ITGA2B: variants seen among roughly 807,000 people sequenced by gnomAD.
ITGA2B encodes integrin alpha-IIb.
ITGA2B carries 91 observed loss-of-function variants against 142.0 expected under a neutral mutation model. The observed-to-expected ratio is 0.64, with a 90% confidence interval of 0.54 to 0.76. The LOEUF is 0.76. ITGA2B is among the 30% of genes least tolerant of loss of function. ITGA2B has a pLI of 0.00. For missense variants in ITGA2B, 1,231 were observed against 1,350.8 expected, an observed-to-expected ratio of 0.91 and a Z score of 1.39; for synonymous variants, 536 against 567.2, an observed-to-expected ratio of 0.94 and a Z score of 0.78.
chr17:44,388,564 G>T (rs2048670595), intron 1 of ITGA2B, among the ~76,000 whole-genome samples: 1 of 151,028 alleles, frequency 6.6e-6, no homozygotes, highest in Non-Finnish European at 1.5e-5. Flanking sequence ...TGTCACCCAG[G>T]CTGGAGTGCA....
At chr17:44,374,802 G>A (rs367581761) in intron 27 of ITGA2B, 42 bp from the exon 28 acceptor site, 37 of 1,548,624 alleles carry the variant, frequency 2.4e-5, no homozygotes, top group Non-Finnish European at 3.0e-5. Context: ...CCCACAAGAG[G>A]CCTATTGGTT....
chr17:44,373,778 G>A (rs1178311157), intron 29 of ITGA2B: 1 of 169,422 alleles, frequency 5.9e-6, no homozygotes, highest in Non-Finnish European at 1.3e-5. Context: ...TTGGTGGCAG[G>A]GGTGTCTAAA....
At chr17:44,380,849 G>A (rs373718654) in intron 13 of ITGA2B, 30 bp downstream of exon 13, 125 of 1,612,306 alleles carry the variant, frequency 7.8e-5, no homozygotes, top group Non-Finnish European at 1.1e-4. Flanking sequence ...CCTTTCTTGG[G>A]CATTTCTAGC....
chr17:44,378,714 GA>G lies in ITGA2B; in HGVS notation c.1879-5del, dbSNP rs955851548. The G allele has an allele frequency of 7.7e-6, 12 of 1,554,934 alleles. No homozygotes were observed. The highest frequency in any genetic ancestry group is 2.0e-5 in the Admixed American group (1 of 51,262). Reference sequence around the variant, plus strand: ...CACAGTCCAGGACGATTCGTGTCTAGAGGGGCACATTGGGGTGTGCGGGTAA... The same window carrying G: ...CACAGTCCAGGACGATTCGTGTCTAGGGGGCACATTGGGGTGTGCGGGTAA... On this transcript the variant is annotated splice_region_variant and splice_polypyrimidine_tract_variant and intron_variant, in intron 18 of 29. Coordinates refer to ENST00000262407, the MANE Select transcript of ITGA2B (RefSeq NM_000419.5).
intron 20 of ITGA2B, among the ~76,000 whole-genome samples, chr17:44,378,096 A>G (rs925672922): frequency 6.6e-6 from 1 of 152,192 alleles, no homozygotes; most frequent in African/African-American, 2.4e-5. Context: ...TGAAAAAAAG[A>G]CTGGAAGGAA....
chr17:44,382,751 G>A (rs1422115529), intron 12 of ITGA2B, among the ~76,000 whole-genome samples: 1 of 139,866 alleles, frequency 7.1e-6, no homozygotes, highest in Non-Finnish European at 1.6e-5. Context: ...AGCAGGAGCT[G>A]CAGCGCCCAC....
At position 44,380,599 on chromosome 17, in the gene ITGA2B, C is replaced by A. The variant is rs1567902350; in HGVS notation, c.1439+1G>T. The stretch of plus-strand genomic sequence containing the variant: ...ATCCCGCCCCTGGAGCCAGTGCTCA[C>A]CTGTACACAGCCACCTGGTTGGCCC... On this transcript the variant is annotated splice_donor_variant, in intron 14 of 29. Coordinates refer to ENST00000262407, the MANE Select transcript of ITGA2B (RefSeq NM_000419.5). LOFTEE classifies it high-confidence loss of function. 2 of 1,614,220 alleles carry A rather than the reference C, an allele frequency of 1.2e-6. No homozygotes were observed. The highest frequency in any genetic ancestry group is 1.7e-6 in the Non-Finnish European group (2 of 1,180,036).
chr17:44,372,571 AT>A, intron 29 of ITGA2B, 148 bp from the exon 30 acceptor site: 2 of 652,396 alleles, frequency 3.1e-6, no homozygotes, highest in Middle Eastern at 2.5e-4. Flanking sequence ...GCCTTTTGAC[AT>A]TTAGAGATAA....
At chr17:44,376,023 C>A (rs776512876) in intron 24 of ITGA2B, 38 bp from the exon 25 acceptor site, 2 of 1,614,004 alleles carry the variant, frequency 1.2e-6, no homozygotes, top group Admixed American at 1.7e-5. Flanking sequence ...GGGAGCTTAG[C>A]GCCTCACCCG....
chr17:44,373,086 T>G (rs1266588963), intron 29 of ITGA2B, among the ~76,000 whole-genome samples: 1 of 152,110 alleles, frequency 6.6e-6, no homozygotes, highest in African/African-American at 2.4e-5. Flanking sequence ...GGAGTCTCAC[T>G]ATGCTGTCCC....
chr17:44,386,261 T>A, intron 1 of ITGA2B, 130 bp from the exon 2 acceptor site: 1 of 1,347,772 alleles, frequency 7.4e-7, no homozygotes, highest in Non-Finnish European at 1.0e-6. Flanking sequence ...CAATGACACC[T>A]CACAGACCAC....
Position 44,380,929 on chromosome 17 carries a change from A to G in ITGA2B, c.1343T>C (p.Phe448Ser). 6.2e-7 allele frequency: 1 copy of G among 1,614,232 alleles called. No homozygotes were observed. Among genetic ancestry groups the G allele is most frequent in the Non-Finnish European group, 8.5e-7 (1 of 1,180,032 alleles). ...LDSPFPTGSA[F>S]GFSLRGAVDI... is the part of the protein sequence containing the mutation. Reference sequence around the variant, plus strand: ...TACGGCACCTCGAAGGGAGAAGCCAAAGGCAGAGCCTGTGGGGAAGGGGCT... The same window carrying G: ...TACGGCACCTCGAAGGGAGAAGCCAGAGGCAGAGCCTGTGGGGAAGGGGCT... Residue 448 changes from phenylalanine to serine, a missense_variant, in exon 13 of 30, where the codon TTT becomes TCT. By Grantham distance (155) the Phe-to-Ser change is radical. Transcript: ENST00000262407.
intron 8 of ITGA2B, 23 bp from the exon 9 acceptor site, chr17:44,384,377 T>G (rs1166795615): frequency 6.2e-7 from 1 of 1,613,660 alleles, no homozygotes; most frequent in East Asian, 2.2e-5. Context: ...AGAGCCAGGC[T>G]CAGGGAATGA....
rs1343238187 is a variant in ITGA2B, at chr17:44,375,911, G to A, written c.2523C>T (p.Ser841=). ...SIHLPGQSQP[S]DLLYILDIQP... is the part of the protein sequence containing the mutation. ...GTATATCCAGGATGTAGAGCAGGTC[G>A]GAGGGCTGGGACTGTCCCGGAAGGT... The change falls in exon 25 of 30, where the codon TCC becomes TCT. Residue 841 remains serine, a synonymous_variant. Coordinates refer to ENST00000262407, the MANE Select transcript of ITGA2B (RefSeq NM_000419.5). 1 of 1,613,180 alleles carries A rather than the reference G, an allele frequency of 6.2e-7. No individual in the cohort carries two copies. The highest frequency in any genetic ancestry group is 8.5e-7 in the Non-Finnish European group (1 of 1,179,738).
Position 44,383,670 on chromosome 17 carries a change from T to C in ITGA2B, c.1033A>G (p.Met345Val). The C allele has an allele frequency of 6.3e-7, 1 of 1,591,774 alleles. No individual in the cohort carries two copies. Among genetic ancestry groups the C allele is most frequent in the Non-Finnish European group, 8.6e-7 (1 of 1,168,910 alleles). ...HDLLVGAPLY[M>V]ESRADRKLAE... Reference sequence around the variant, plus strand: ...AGTTTTCGGTCTGCCCGGCTCTCCATATACAGTGGAGCGCCCACCAGCAGA... The same window carrying C: ...AGTTTTCGGTCTGCCCGGCTCTCCACATACAGTGGAGCGCCCACCAGCAGA... Residue 345 changes from methionine (M) to valine (V), a missense_variant, in exon 12 of 30, where the codon ATG becomes GTG. Physicochemically the swap from Met to Val is conservative, Grantham distance 21. Coordinates refer to ENST00000262407, the MANE Select transcript of ITGA2B (RefSeq NM_000419.5).
chr17:44,381,847 C>T lies in ITGA2B; in HGVS notation c.1211-786G>A, dbSNP rs189635639. 3.0e-4 allele frequency among the ~76,000 whole-genome samples: 45 copies of T among 151,838 alleles called. No homozygotes were observed. The East Asian group carries it at 8.1e-3, about 27-fold the overall frequency. Reference sequence around the variant, plus strand: ...CTCCCTATGTTGGCCAGGCTGGTGTCAAACTCCTAGGCTCCAGTGATCCTC... The same window carrying T: ...CTCCCTATGTTGGCCAGGCTGGTGTTAAACTCCTAGGCTCCAGTGATCCTC... On this transcript the variant is annotated intron_variant, in intron 12 of 29. Transcript: ENST00000262407.
At chr17:44,381,334 A>T (rs1365975556) in intron 12 of ITGA2B, among the ~76,000 whole-genome samples, 2 of 147,198 alleles carry the variant, frequency 1.4e-5, no homozygotes, top group Admixed American at 1.4e-4. Flanking sequence ...CCTTTTCTAA[A>T]TTTTTTTTTT....
rs767931999 is a variant in ITGA2B at position 44,372,396 on chromosome 17, G to A, written c.3088C>T (p.Pro1030Ser). 2 of 1,614,100 alleles carry A rather than the reference G, an allele frequency of 1.2e-6. No homozygotes were observed. The highest frequency in any genetic ancestry group is 1.1e-5 in the South Asian group (1 of 91,084). ...CCCTCTTCATCATCTTCTTCCAGGG[G>A]TGGCCGGTTCCGCTTGAAGAAGCCG... ...KVGFFKRNRPPLEEDDEEGE is the reference protein window; with the variant it reads ...KVGFFKRNRPSLEEDDEEGE The change falls in exon 30 of 30, where the codon CCC becomes TCC. Residue 1030 changes from proline to serine, a missense_variant. Physicochemically the swap from Pro to Ser is moderately conservative, Grantham distance 74 (BLOSUM62 -1). Transcript: ENST00000262407.
chr17:44,376,997 C>A lies in ITGA2B; in HGVS notation c.2267+12G>T. On this transcript the variant is annotated intron_variant, in intron 22 of 29. Transcript: ENST00000262407. Reference sequence around the variant, plus strand: ...GAAGGGTGGTGGGTAGGCACGCTCGCCAGGTCAGTACCTCCGTATCTGCAG... The same window carrying A: ...GAAGGGTGGTGGGTAGGCACGCTCGACAGGTCAGTACCTCCGTATCTGCAG... 6.3e-7 allele frequency: 1 copy of A among 1,576,832 alleles called. No homozygotes were observed. The highest frequency in any genetic ancestry group is 8.6e-7 in the Non-Finnish European group (1 of 1,162,048).
Sources: allele counts gnomAD v4.1 joint callset (sites outside exome capture counted in the v4.1 genomes callset), GRCh38; gene constraint gnomAD v4.1.1; transcripts MANE v1.5; gene names NCBI Gene and HGNC (gene_info 2026-07-23, HGNC 2026-07-21).